CCDC179: variants seen among roughly 807,000 people sequenced by gnomAD.
The protein encoded by CCDC179 is coiled-coil domain containing 179, also known as coiled-coil domain-containing protein 179.
CCDC179 carries 17 observed loss-of-function variants against 12.0 expected under a neutral mutation model. The ratio of observed to expected loss-of-function variants is 1.42; its 90% CI spans 0.97 to 2.13. CCDC179 has a LOEUF of 2.13. CCDC179 is among the 30% of genes most tolerant of loss of function. CCDC179 has a pLI of 0.00. For synonymous variants in CCDC179, 27 were observed against 26.4 expected (o/e 1.02, Z -0.07); for missense variants, 83 against 78.6 (o/e 1.06, Z -0.21).
chr11:22,852,205 G>C (rs780601992), intron 3 of CCDC179, among the ~76,000 whole-genome samples: 17 of 152,180 alleles, frequency 1.1e-4, no homozygotes, highest in Non-Finnish European at 2.2e-4. Context: ...AATTATGACA[G>C]TAAAGACTTC....
In CCDC179 at chr11:22,859,377, G is replaced by A. The variant is rs150139651; in HGVS notation, c.90+75C>T. The A allele has an allele frequency of 5.2e-6, 5 of 956,214 alleles. No homozygotes were observed. The East Asian group carries it at 1.1e-4, about 22-fold the overall frequency. The allele number at this position is 956,214 out of a possible 1,614,324, so 59.2% of individuals were successfully genotyped here. On this transcript the variant is annotated intron_variant, in intron 2 of 3. Coordinates refer to ENST00000532798, the MANE Select transcript of CCDC179 (RefSeq NM_001195637.2). ...TTAATACAAGTTCTATTATGTTAGGGACCACTACATAAAGGAACAAGTTAC... is the reference window on the plus strand; with the variant it reads ...TTAATACAAGTTCTATTATGTTAGGAACCACTACATAAAGGAACAAGTTAC...
At position 22,847,074 on chromosome 11, in the gene CCDC179, C is replaced by T. The variant is rs980521708; in HGVS notation, c.*436G>A. 2.6e-5 allele frequency: 4 copies of T among 152,572 alleles called. No individual in the cohort carries two copies. Among genetic ancestry groups the T allele is most frequent in the African/African-American group, 7.2e-5 (3 of 41,400 alleles). The allele number at this position is 152,572 out of a possible 1,614,324, so 9.5% of individuals were successfully genotyped here. ...TACAGGAGTTAGTTATAATAACAGTCTCCTAGGACTGTTTAAAGTATTTAA... is the reference window on the plus strand; with the variant it reads ...TACAGGAGTTAGTTATAATAACAGTTTCCTAGGACTGTTTAAAGTATTTAA... On this transcript the variant is annotated 3_prime_UTR_variant, in exon 4 of 4. Coordinates refer to ENST00000532798, the MANE Select transcript of CCDC179 (RefSeq NM_001195637.2).
chr11:22,858,045 G>T lies in CCDC179; in HGVS notation c.91-19C>A, dbSNP rs765904417. The T allele has an allele frequency of 2.1e-6, 3 of 1,415,106 alleles. No homozygotes were observed. In the South Asian group the frequency reaches 4.0e-5, roughly 19 times the overall value. The allele number at this position is 1,415,106 out of a possible 1,614,324, so 87.7% of individuals were successfully genotyped here. A position where few individuals can be genotyped will look rare whatever the true frequency, so the allele number is the denominator to read the frequency against. ...TTGCAAGCTTTAGAAAAATTAAAAT[G>T]AAAGAAAAATCATACTTTTTTGTAA... On this transcript the variant is annotated intron_variant, in intron 2 of 3. Transcript: ENST00000532798.
chr11:22,858,553 C>T (rs911365238), intron 2 of CCDC179, among the ~76,000 whole-genome samples: 19 of 152,050 alleles, frequency 1.2e-4, no homozygotes, highest in African/African-American at 4.3e-4. Context: ...CTTTTTTATC[C>T]ACTTCCAGTG....
chr11:22,847,418 G>C lies in CCDC179; in HGVS notation c.*92C>G. ...AATGGTGGAGTATTGCATTTATTTT[G>C]TGGATGATCAATTCATGATATGTCA... On this transcript the variant is annotated 3_prime_UTR_variant, in exon 4 of 4. Transcript: ENST00000532798. 1.4e-6 allele frequency: 1 copy of C among 733,154 alleles called. No homozygotes were observed. The highest frequency in any genetic ancestry group is 2.8e-5 in the South Asian group (1 of 35,640). 45.4% of individuals were successfully genotyped at this position (733,154 alleles called of 1,614,324 possible).
Position 22,857,917 on chromosome 11 carries a change from C to T in CCDC179, c.195+5G>A, listed in dbSNP as rs557352849. On this transcript the variant is annotated splice_donor_5th_base_variant and intron_variant, in intron 3 of 3. Transcript: ENST00000532798. ...TGTTAATTTCAGTGAAACCTCTATACTTACTAGGAGTCCTGGTTCTGGAAT... is the reference window on the plus strand; with the variant it reads ...TGTTAATTTCAGTGAAACCTCTATATTTACTAGGAGTCCTGGTTCTGGAAT... The T allele has an allele frequency of 5.4e-5, 78 of 1,433,318 alleles. No homozygotes were observed. The Admixed American group carries it at 6.1e-4, about 11-fold the overall frequency. The allele number at this position is 1,433,318 out of a possible 1,614,324, so 88.8% of individuals were successfully genotyped here. A position where few individuals can be genotyped will look rare whatever the true frequency, so the allele number is the denominator to read the frequency against.
At chr11:22,851,645 G>A (rs981738499) in intron 3 of CCDC179, among the ~76,000 whole-genome samples, 1 of 152,212 alleles carries the variant, frequency 6.6e-6, no homozygotes, top group Admixed American at 6.5e-5. Context: ...CATCAGAGAA[G>A]TGAGGGCACA....
At position 22,847,381 on chromosome 11, in the gene CCDC179, T is replaced by C; in HGVS notation, c.*129A>G. On this transcript the variant is annotated 3_prime_UTR_variant, in exon 4 of 4. Coordinates refer to ENST00000532798, the MANE Select transcript of CCDC179 (RefSeq NM_001195637.2). ...TGGATATTAAATACTTGCACTGTGT[T>C]TATTTTTCCGAAATGGTGGAGTATT... 1 of 520,142 alleles carries C rather than the reference T, an allele frequency of 1.9e-6. No individual in the cohort carries two copies. The highest frequency in any genetic ancestry group is 3.6e-5 in the Admixed American group (1 of 27,502). 32.2% of individuals were successfully genotyped at this position (520,142 alleles called of 1,614,324 possible).
chr11:22,859,346 G>T, intron 2 of CCDC179, 106 bp downstream of exon 2: 1 of 605,420 alleles, frequency 1.7e-6, no homozygotes, highest in Non-Finnish European at 2.5e-6. Context: ...ATACTGAAGT[G>T]TCTACTTAAT....
At chr11:22,855,649 G>A (rs1858514314) in intron 3 of CCDC179, among the ~76,000 whole-genome samples, 1 of 151,316 alleles carries the variant, frequency 6.6e-6, no homozygotes, top group South Asian at 2.1e-4. Flanking sequence ...ACCAGAAAAA[G>A]AAGAGCAAAT....
intron 3 of CCDC179, among the ~76,000 whole-genome samples, chr11:22,853,036 A>G (rs919458993): frequency 1.3e-5 from 2 of 152,224 alleles, no homozygotes; most frequent in Non-Finnish European, 2.9e-5. Context: ...AAGAGTCCCT[A>G]GCAAGACCAA....
chr11:22,852,234 C>G (rs1257391722), intron 3 of CCDC179, among the ~76,000 whole-genome samples: 1 of 152,224 alleles, frequency 6.6e-6, no homozygotes, highest in African/African-American at 2.4e-5. Flanking sequence ...CCAACTCCAT[C>G]TTGCCTTTCA....
In CCDC179 at chr11:22,857,816, AAGAG is replaced by A. The variant is rs1333366087; in HGVS notation, c.195+102_195+105del. ...TAAGACTGAAATTAGAAATTTCTCAAAGAGAAAGGGAAAAAGAAAATTTATAGTG... is the reference window on the plus strand; with the variant it reads ...TAAGACTGAAATTAGAAATTTCTCAAAAAGGGAAAAAGAAAATTTATAGTG... On this transcript the variant is annotated intron_variant, in intron 3 of 3. Coordinates refer to ENST00000532798, the MANE Select transcript of CCDC179 (RefSeq NM_001195637.2). 5.7e-6 allele frequency: 3 copies of A among 523,278 alleles called. No individual in the cohort carries two copies. In the African/African-American group the frequency reaches 6.0e-5, roughly 10 times the overall value. The allele number at this position is 523,278 out of a possible 1,614,324, so 32.4% of individuals were successfully genotyped here. A position where few individuals can be genotyped will look rare whatever the true frequency, so the allele number is the denominator to read the frequency against.
In CCDC179 at chr11:22,859,450, A is replaced by G; in HGVS notation, c.90+2T>C. On this transcript the variant is annotated splice_donor_variant, in intron 2 of 3. Coordinates refer to ENST00000532798, the MANE Select transcript of CCDC179 (RefSeq NM_001195637.2). LOFTEE classifies it high-confidence loss of function. ...GAACCTAGTTCTTTATTTAAACATTACCTGCCGCTCAGTGACCTCTGAAGG... is the reference window on the plus strand; with the variant it reads ...GAACCTAGTTCTTTATTTAAACATTGCCTGCCGCTCAGTGACCTCTGAAGG... 1 of 1,488,964 alleles carries G rather than the reference A, an allele frequency of 6.7e-7. No homozygotes were observed. The highest frequency in any genetic ancestry group is 8.9e-7 in the Non-Finnish European group (1 of 1,120,758). The allele number at this position is 1,488,964 out of a possible 1,614,324, so 92.2% of individuals were successfully genotyped here. A position where few individuals can be genotyped will look rare whatever the true frequency, so the allele number is the denominator to read the frequency against.
chr11:22,857,718 C>A (rs1015893536), intron 3 of CCDC179, among the ~76,000 whole-genome samples: 1 of 151,696 alleles, frequency 6.6e-6, no homozygotes, highest in African/African-American at 2.4e-5. Flanking sequence ...AGATAATCCT[C>A]TTTTCATTAA....
chr11:22,852,481 A>G (rs930647673), intron 3 of CCDC179, among the ~76,000 whole-genome samples: 1 of 152,206 alleles, frequency 6.6e-6, no homozygotes, highest in African/African-American at 2.4e-5. Context: ...CCTATTCACT[A>G]TTGTAGAAAC....
At chr11:22,854,673 T>G (rs1346501230) in intron 3 of CCDC179, among the ~76,000 whole-genome samples, 1 of 151,690 alleles carries the variant, frequency 6.6e-6, no homozygotes, top group African/African-American at 2.4e-5. Context: ...ATGGCATAAA[T>G]GCAAGTAAAA....
Position 22,853,722 on chromosome 11 carries a change from AAGG to A in CCDC179, c.195+4197_195+4199del, listed in dbSNP as rs1368690546. Among the ~76,000 whole-genome samples the A allele has an allele frequency of 3.3e-5, 5 of 151,754 alleles. No homozygotes were observed. The East Asian group carries it at 9.6e-4, about 29-fold the overall frequency. ...AGGAAGAGGAAGAAGAAGAAAGAAG[AAGG>A]AAGAAGAAAGGAAGGAAGAGAAGGA... On this transcript the variant is annotated intron_variant, in intron 3 of 3. Transcript: ENST00000532798.
chr11:22,855,904 C>G (rs946489558), intron 3 of CCDC179, among the ~76,000 whole-genome samples: 5 of 151,346 alleles, frequency 3.3e-5, no homozygotes, highest in African/African-American at 1.2e-4. Flanking sequence ...ACCAATAGCT[C>G]TATGCTCATA....
Sources: gnomAD v4.1 joint callset for allele counts (sites outside exome capture counted in the v4.1 genomes callset) on GRCh38, gnomAD v4.1.1 for gene constraint, MANE v1.5 for transcripts, NCBI Gene and HGNC (gene_info 2026-07-23, HGNC 2026-07-21) for gene names.